NBEA: variants seen among roughly 807,000 people sequenced by gnomAD.
The protein encoded by NBEA is neurobeachin, also known as lysosomal-trafficking regulator 2.
A neutral mutation model predicts 343.4 loss-of-function variants in NBEA; 44 were observed. That is an observed-to-expected ratio of 0.13 (90% CI 0.10 to 0.16). NBEA has a LOEUF of 0.16. Among genes scored for constraint, NBEA ranks in the 10% least tolerant of loss-of-function variants. The probability of loss-of-function intolerance (pLI) is 1.00; values close to 1 mark genes in which losing one functional copy is unlikely to be tolerated. For missense variants in NBEA, 2,555 were observed against 3,631.3 expected, an observed-to-expected ratio of 0.70 and a Z score of 7.62; for synonymous variants, 1,175 against 1,238.7, an observed-to-expected ratio of 0.95 and a Z score of 1.08.
In NBEA at chr13:35,169,012, T is replaced by C. The variant is rs1372324329; in HGVS notation, c.4242+17T>C. 1.3e-6 allele frequency: 2 copies of C among 1,490,242 alleles called. No individual in the cohort carries two copies. The highest frequency in any genetic ancestry group is 4.8e-5 in the East Asian group (2 of 41,262). 92.3% of individuals were successfully genotyped at this position (1,490,242 alleles called of 1,614,324 possible). ...GGTTCTAAGGTTAGTATTACTTTTGTAGTAATTTTCAGCTTTCAGTTTCAA... is the reference window on the plus strand; with the variant it reads ...GGTTCTAAGGTTAGTATTACTTTTGCAGTAATTTTCAGCTTTCAGTTTCAA... On this transcript the variant is annotated intron_variant, in intron 25 of 58. Coordinates refer to ENST00000379939, the MANE Select transcript of NBEA (RefSeq NM_001385012.1).
At chr13:35,010,163 T>C (rs1015623165) in intron 1 of NBEA, among the ~76,000 whole-genome samples, 1 of 152,128 alleles carries the variant, frequency 6.6e-6, no homozygotes, top group East Asian at 1.9e-4. Context: ...TATTAGTATC[T>C]TGTTGATACT....
rs183358278 is a variant in NBEA at position 35,084,608 on chromosome 13, T to A, written c.1572-13689T>A. ...GTGTGTAGAGGGAAATTTATAGCAC[T>A]AAATGCCCATAAGAGTAAGCAGGAA... On this transcript the variant is annotated intron_variant, in intron 10 of 58. Transcript: ENST00000379939. 5.5e-4 allele frequency among the ~76,000 whole-genome samples: 84 copies of A among 152,216 alleles called. 1 individual carries two copies. The highest frequency in any genetic ancestry group is 2.0e-3 in the African/African-American group (83 of 41,536).
At chr13:35,623,397 T>C (rs1250909130) in intron 48 of NBEA, among the ~76,000 whole-genome samples, 2 of 152,176 alleles carry the variant, frequency 1.3e-5, no homozygotes, top group Non-Finnish European at 1.5e-5. Context: ...TAGATATTCA[T>C]TTAATTTTGA....
intron 44 of NBEA, among the ~76,000 whole-genome samples, chr13:35,560,514 C>CT (rs1329640588): frequency 6.6e-6 from 1 of 152,096 alleles, no homozygotes; most frequent in Non-Finnish European, 1.5e-5. Flanking sequence ...GAAAAAGACT[C>CT]TGAGACAGAG....
At chr13:35,375,346 C>T (rs1191481624) in intron 38 of NBEA, among the ~76,000 whole-genome samples, 1 of 152,112 alleles carries the variant, frequency 6.6e-6, no homozygotes, top group Admixed American at 6.6e-5. Context: ...TCTCATACAT[C>T]ATATTCGTGT....
At chr13:35,663,643 T>C (rs1473640618) in intron 55 of NBEA, among the ~76,000 whole-genome samples, 1 of 152,238 alleles carries the variant, frequency 6.6e-6, no homozygotes, top group African/African-American at 2.4e-5. Context: ...TGCTTAAAGC[T>C]TATTTTACCA....
rs1053525768 is a variant in NBEA at position 35,157,189 on chromosome 13, G to A, written c.2763G>A (p.Arg921=). 3.1e-6 allele frequency: 5 copies of A among 1,610,436 alleles called. No individual in the cohort carries two copies. The highest frequency in any genetic ancestry group is 4.2e-6 in the Non-Finnish European group (5 of 1,178,146). The change falls in exon 21 of 59, where the codon CGG becomes CGA. Residue 921 remains arginine (R), a synonymous_variant. Transcript: ENST00000379939. ...CCGAAATGGTCTACAATATCTTCCG[G>A]ATTCTTTTGTATCATGCAATAAAAT... is the stretch of plus-strand genomic sequence containing the variant. The part of the protein sequence containing the change: ...KITEMVYNIF[R]ILLYHAIKYE...
chr13:35,334,489 C>T (rs1366638371), intron 36 of NBEA, among the ~76,000 whole-genome samples: 3 of 152,112 alleles, frequency 2.0e-5, no homozygotes, highest in Non-Finnish European at 2.9e-5. Flanking sequence ...AGGCTAGTCT[C>T]GAACTCCTGA....
chr13:35,103,534 A>G (rs1206401355), intron 11 of NBEA, among the ~76,000 whole-genome samples: 1 of 151,544 alleles, frequency 6.6e-6, no homozygotes, highest in Non-Finnish European at 1.5e-5. Flanking sequence ...TCTACACAGT[A>G]CCTTACTCTA....
At chr13:35,191,042 A>G (rs1453402340) in intron 30 of NBEA, among the ~76,000 whole-genome samples, 4 of 152,174 alleles carry the variant, frequency 2.6e-5, no homozygotes, top group Non-Finnish European at 5.9e-5. Flanking sequence ...CTGAGCTGGC[A>G]GGAAAAGAAT....
chr13:35,309,879 C>A (rs1007328865), intron 36 of NBEA, among the ~76,000 whole-genome samples: 2 of 152,062 alleles, frequency 1.3e-5, no homozygotes, highest in African/African-American at 4.8e-5. Context: ...CAAGTGAACC[C>A]AATCTGCAAT....
intron 1 of NBEA, among the ~76,000 whole-genome samples, chr13:34,945,805 T>G (rs1318971963): frequency 6.6e-6 from 1 of 152,152 alleles, no homozygotes; most frequent in African/African-American, 2.4e-5. Flanking sequence ...AAATACTTGG[T>G]TTTTAGGTGC....
At chr13:35,245,747 C>G (rs1473010184) in intron 34 of NBEA, among the ~76,000 whole-genome samples, 1 of 152,098 alleles carries the variant, frequency 6.6e-6, no homozygotes, top group Non-Finnish European at 1.5e-5. Context: ...TTTAGGTAAC[C>G]TGATGACAGT....
At chr13:35,380,270 C>A (rs971871975) in intron 38 of NBEA, among the ~76,000 whole-genome samples, 3 of 151,940 alleles carry the variant, frequency 2.0e-5, no homozygotes, top group Non-Finnish European at 4.4e-5. Flanking sequence ...CATGGTGAAA[C>A]CCTATCCCTA....
At chr13:35,091,526 G>A (rs934384251) in intron 10 of NBEA, among the ~76,000 whole-genome samples, 3 of 151,888 alleles carry the variant, frequency 2.0e-5, no homozygotes, top group African/African-American at 7.2e-5. Flanking sequence ...TGACATGATT[G>A]TCTATGTAAA....
At chr13:35,624,958 C>G (rs576767946) in intron 48 of NBEA, among the ~76,000 whole-genome samples, 206 of 151,918 alleles carry the variant, frequency 1.4e-3, no homozygotes, top group African/African-American at 4.7e-3. Flanking sequence ...AAAGATAATA[C>G]CATACATCTC....
chr13:35,379,394 T>C (rs1451304425), intron 38 of NBEA, among the ~76,000 whole-genome samples: 1 of 152,202 alleles, frequency 6.6e-6, no homozygotes, highest in African/African-American at 2.4e-5. Context: ...ATTGTTCTAT[T>C]GGATTGTCTT....
chr13:35,392,143 C>G (rs553920088), intron 38 of NBEA, among the ~76,000 whole-genome samples: 1 of 151,926 alleles, frequency 6.6e-6, no homozygotes, highest in Non-Finnish European at 1.5e-5. Context: ...ATTTTGTATG[C>G]AATATTTTTA....
At chr13:35,197,516 A>T (rs1196961881) in intron 31 of NBEA, among the ~76,000 whole-genome samples, 1 of 150,838 alleles carries the variant, frequency 6.6e-6, no homozygotes, top group Non-Finnish European at 1.5e-5. Flanking sequence ...TTGGATGAAT[A>T]CCCTTTTTTT....
Sources: gnomAD v4.1 joint callset for allele counts (sites outside exome capture counted in the v4.1 genomes callset) on GRCh38, gnomAD v4.1.1 for gene constraint, MANE v1.5 for transcripts, NCBI Gene and HGNC (gene_info 2026-07-23, HGNC 2026-07-21) for gene names.